The following TTLL9 variants were observed in gnomAD, a reference collection of about 807,000 sequenced individuals.
The protein encoded by TTLL9 is tubulin tyrosine ligase like 9, also known as probable tubulin polyglutamylase TTLL9.
A neutral mutation model predicts 65.6 loss-of-function variants in TTLL9; 47 were observed. The observed-to-expected ratio is 0.72, with a 90% CI of 0.57 to 0.91. TTLL9 has a LOEUF of 0.91. Ranked by LOEUF, TTLL9 falls within the 40% of genes least tolerant of loss-of-function variation. The probability of loss-of-function intolerance (pLI) is 0.00; values close to 1 mark genes in which losing one functional copy is unlikely to be tolerated. For missense variants in TTLL9, 537 were observed against 568.8 expected (o/e 0.94, Z 0.57); for synonymous variants, 179 against 204.8 (o/e 0.87, Z 1.07).
chr20:31,892,340 AT>A (rs1301677425), intron 3 of TTLL9, among the ~76,000 whole-genome samples: 1 of 149,398 alleles, frequency 6.7e-6, no homozygotes, highest in Non-Finnish European at 1.5e-5. Flanking sequence ...CGCCTGGCTA[AT>A]TTCTGTATTT....
chr20:31,888,848 C>T (rs916252341), intron 3 of TTLL9, among the ~76,000 whole-genome samples: 4 of 151,956 alleles, frequency 2.6e-5, no homozygotes, highest in East Asian at 1.9e-4. Context: ...CCAGATCTCC[C>T]GTGAACTAAG....
At chr20:31,935,466 T>A (rs2064094120) in intron 12 of TTLL9, among the ~76,000 whole-genome samples, 1 of 152,210 alleles carries the variant, frequency 6.6e-6, no homozygotes, top group Admixed American at 6.5e-5. Context: ...TCCAAGGACC[T>A]GGGCTGAGCT....
At chr20:31,902,894 C>T (rs1475892716) in intron 4 of TTLL9, among the ~76,000 whole-genome samples, 2 of 152,094 alleles carry the variant, frequency 1.3e-5, no homozygotes, top group African/African-American at 4.8e-5. Flanking sequence ...GAAAGGGTCT[C>T]TCTCTGTCAC....
chr20:31,890,018 CTTT>C (rs1568752094), intron 3 of TTLL9, among the ~76,000 whole-genome samples: 138 of 143,148 alleles, frequency 9.6e-4, no homozygotes, highest in African/African-American at 3.5e-3. Context: ...TTCTTTCTTT[CTTT>C]CTTTCTTTCT....
chr20:31,940,785 C>T (rs1224800204), intron 14 of TTLL9: 1 of 152,192 alleles, frequency 6.6e-6, no homozygotes, highest in Non-Finnish European at 1.5e-5. Flanking sequence ...CTGGCTTCTT[C>T]ACGTGGTAGA....
At chr20:31,887,385 C>T (rs374141982) in intron 3 of TTLL9, 146 bp downstream of exon 3, 1 of 932,184 alleles carries the variant, frequency 1.1e-6, no homozygotes, top group Non-Finnish European at 1.6e-6. Flanking sequence ...TTATTGAGCA[C>T]TTACCATGTG....
At chr20:31,887,675 A>T (rs1458552686) in intron 3 of TTLL9, among the ~76,000 whole-genome samples, 3 of 152,182 alleles carry the variant, frequency 2.0e-5, no homozygotes, top group Non-Finnish European at 4.4e-5. Context: ...TTCACTCTGC[A>T]TGGATAACCT....
chr20:31,882,492 C>G (rs1214031346), intron 2 of TTLL9, among the ~76,000 whole-genome samples: 1 of 152,164 alleles, frequency 6.6e-6, no homozygotes, highest in African/African-American at 2.4e-5. Flanking sequence ...CTCTTTTTGA[C>G]TCAACACCAA....
intron 3 of TTLL9, among the ~76,000 whole-genome samples, chr20:31,887,855 C>CCTCTTTTCTCTTCTCTTCTCTT (rs1555807861): frequency 8.7e-6 from 1 of 114,926 alleles, no homozygotes; most frequent in African/African-American, 3.6e-5. Flanking sequence ...TATCTCCTCT[C>CCTCTTTTCTCTTCTCTTCTCTT]CTCTTCTCTT....
At chr20:31,872,026 A>G (rs950733919) in intron 2 of TTLL9, among the ~76,000 whole-genome samples, 4 of 152,218 alleles carry the variant, frequency 2.6e-5, no homozygotes, top group African/African-American at 9.6e-5. Context: ...TTTACAGCAC[A>G]TCTCAATTCA....
Position 31,924,895 on chromosome 20 carries a change from G to C in TTLL9, c.665-114G>C, listed in dbSNP as rs2063873347. On this transcript the variant is annotated intron_variant, in intron 8 of 14. Coordinates refer to ENST00000535842, the MANE Select transcript of TTLL9 (RefSeq NM_001008409.5). ...CCTAGCCCCTTGTGTAGTTTCAGCA[G>C]GAGCTTCATGAAGGCGGGGTTTCCT... The C allele has an allele frequency of 1.2e-5, 14 of 1,162,416 alleles. No individual in the cohort carries two copies. In the South Asian group the frequency reaches 1.8e-4, roughly 15 times the overall value. 72.0% of individuals were successfully genotyped at this position (1,162,416 alleles called of 1,614,324 possible). A position where few individuals can be genotyped will look rare whatever the true frequency, so the allele number is the denominator to read the frequency against.
At chr20:31,894,164 T>C (rs1600544739) in intron 3 of TTLL9, among the ~76,000 whole-genome samples, 2 of 141,874 alleles carry the variant, frequency 1.4e-5, no homozygotes, top group South Asian at 4.4e-4. Flanking sequence ...AGTGCAGTGG[T>C]GCGATCATGG....
intron 10 of TTLL9, among the ~76,000 whole-genome samples, chr20:31,927,301 G>A (rs2063922382): frequency 6.6e-6 from 1 of 151,902 alleles, no homozygotes; most frequent in African/African-American, 2.4e-5. Context: ...GACCAACATG[G>A]TGAAATCCCA....
chr20:31,890,086 TGCTTTCTTTCCC>T lies in TTLL9; in HGVS notation c.113+2848_113+2859del, dbSNP rs1180460724. On this transcript the variant is annotated intron_variant, in intron 3 of 14. Transcript: ENST00000535842. ...TTTCTTTCTTGCTTTCTTGCTTTCTTGCTTTCTTTCCCTCCCTTCCTTCCTTCCTTCCTTCCT... is the reference window on the plus strand; with the variant it reads ...TTTCTTTCTTGCTTTCTTGCTTTCTTTCCCTTCCTTCCTTCCTTCCTTCCT... Among the ~76,000 whole-genome samples, 435 of 133,020 alleles carry T rather than the reference TGCTTTCTTTCCC, an allele frequency of 3.3e-3. 11 individuals carry two copies. The highest frequency in any genetic ancestry group is 3.8e-3 in the Admixed American group (48 of 12,486). The allele number at this position is 133,020 out of a possible 152,430, so 87.3% of individuals were successfully genotyped here. A position where few individuals can be genotyped will look rare whatever the true frequency, so the allele number is the denominator to read the frequency against.
Position 31,942,991 on chromosome 20 carries a change from C to G in TTLL9, c.1290C>G (p.Ser430=). The G allele has an allele frequency of 6.2e-7, 1 of 1,614,128 alleles. No homozygotes were observed. Among genetic ancestry groups the G allele is most frequent in the Middle Eastern group, 1.6e-4 (1 of 6,062 alleles). The change falls in exon 15 of 15, where the codon TCC becomes TCG. Residue 430 remains serine, a synonymous_variant. Transcript: ENST00000535842. The part of the protein sequence containing the change: ...RKKQLRQLFC[S]LQVQKKASS Reference sequence around the variant, plus strand: ...AACAACTGAGGCAGCTCTTCTGCTCCCTTCAAGTTCAGAAGAAAGCTTCCA... The same window carrying G: ...AACAACTGAGGCAGCTCTTCTGCTCGCTTCAAGTTCAGAAGAAAGCTTCCA...
Position 31,934,904 on chromosome 20 carries a change from G to A in TTLL9, c.1004+16G>A. ...ACCTCAAGCCGTAAGTGGGTGGGTG[G>A]GAGAGCCAGGAGGTCATAGTTTGCA... is the stretch of plus-strand genomic sequence containing the variant. On this transcript the variant is annotated intron_variant, in intron 12 of 14. Coordinates refer to ENST00000535842, the MANE Select transcript of TTLL9 (RefSeq NM_001008409.5). 6.2e-7 allele frequency: 1 copy of A among 1,602,172 alleles called. No homozygotes were observed. Among genetic ancestry groups the A allele is most frequent in the South Asian group, 1.1e-5 (1 of 89,062 alleles).
rs1568753794 is a variant in TTLL9, at chr20:31,890,158, T to TTCCTTCC, written c.113+2920_113+2921insCCTTCCT. Among the ~76,000 whole-genome samples, 10 of 43,506 alleles carry TTCCTTCC rather than the reference T, an allele frequency of 2.3e-4. No homozygotes were observed. The East Asian group carries it at 2.9e-3, about 13-fold the overall frequency. The allele number at this position is 43,506 out of a possible 152,430, so 28.5% of individuals were successfully genotyped here. A position where few individuals can be genotyped will look rare whatever the true frequency, so the allele number is the denominator to read the frequency against. The stretch of plus-strand genomic sequence containing the variant: ...CCTTCCTTCCTTCCTTCCTTCCTTC[T>TTCCTTCC]TTCTTTCTTTCTTTCTTTCTTTCTT... On this transcript the variant is annotated intron_variant, in intron 3 of 14. Transcript: ENST00000535842.
At chr20:31,889,510 C>T (rs1246227912) in intron 3 of TTLL9, among the ~76,000 whole-genome samples, 2 of 146,064 alleles carry the variant, frequency 1.4e-5, no homozygotes, top group African/African-American at 4.9e-5. Flanking sequence ...ACAACCTCTG[C>T]CTCCCGGGTT....
chr20:31,906,033 CAA>C (rs892374670), intron 4 of TTLL9, among the ~76,000 whole-genome samples: 8 of 47,708 alleles, frequency 1.7e-4, no homozygotes, highest in East Asian at 1.2e-3. Context: ...AATTTCATCT[CAA>C]AAAAAAAAAA....
Sources: gnomAD v4.1 joint callset for allele counts (sites outside exome capture counted in the v4.1 genomes callset) on GRCh38, gnomAD v4.1.1 for gene constraint, MANE v1.5 for transcripts, NCBI Gene and HGNC (gene_info 2026-07-23, HGNC 2026-07-21) for gene names.